OXCT1: variants seen among roughly 807,000 people sequenced by gnomAD.
The protein encoded by OXCT1 is 3-oxoacid CoA-transferase 1, also known as succinyl-CoA:3-ketoacid coenzyme A transferase 1, mitochondrial.
A neutral mutation model predicts 69.6 loss-of-function variants in OXCT1; 27 were observed. The observed-to-expected ratio is 0.39, with a 90% confidence interval of 0.29 to 0.54. OXCT1 has a LOEUF of 0.54. Among genes scored for constraint, OXCT1 ranks in the 20% least tolerant of loss-of-function variants. OXCT1 has a pLI of 0.72. For synonymous variants in OXCT1, 202 were observed against 217.8 expected (o/e 0.93, Z 0.64); for missense variants, 437 against 650.2 (o/e 0.67, Z 3.57).
At chr5:41,767,942 G>A (rs938371526) in intron 13 of OXCT1, among the ~76,000 whole-genome samples, 3 of 151,500 alleles carry the variant, frequency 2.0e-5, no homozygotes, top group African/African-American at 7.3e-5. Flanking sequence ...CAAATTAACA[G>A]CTCTGTCCTC....
chr5:41,746,169 C>T (rs1346185150), intron 15 of OXCT1, among the ~76,000 whole-genome samples: 2 of 152,100 alleles, frequency 1.3e-5, no homozygotes, highest in Non-Finnish European at 2.9e-5. Context: ...ACTGGCAAAC[C>T]GAATCCAGCA....
At chr5:41,821,355 A>G in intron 7 of OXCT1, among the ~76,000 whole-genome samples, 1 of 152,216 alleles carries the variant, frequency 6.6e-6, no homozygotes, top group East Asian at 1.9e-4. Flanking sequence ...TATAAAATTC[A>G]ACAATGGCTC....
rs1009268135 is a variant in OXCT1, at chr5:41,730,706, C to T, written c.*1023G>A. ...TTTATTCCCTGACACTAAAAGTTCA[C>T]TGACTCTTCAAATCCTAGACTTGTC... is the stretch of plus-strand genomic sequence containing the variant. On this transcript the variant is annotated 3_prime_UTR_variant, in exon 17 of 17. Coordinates refer to ENST00000196371, the MANE Select transcript of OXCT1 (RefSeq NM_000436.4). The T allele has an allele frequency of 1.3e-5, 2 of 152,162 alleles. No individual in the cohort carries two copies. Among genetic ancestry groups the T allele is most frequent in the Non-Finnish European group, 2.9e-5 (2 of 68,026 alleles). The allele number at this position is 152,162 out of a possible 1,614,324, so 9.4% of individuals were successfully genotyped here.
At chr5:41,798,881 C>G (rs1579760495) in intron 11 of OXCT1, among the ~76,000 whole-genome samples, 1 of 152,204 alleles carries the variant, frequency 6.6e-6, no homozygotes, top group South Asian at 2.1e-4. Context: ...AGAAAAAGGC[C>G]AGGGGTCACA....
chr5:41,840,620 G>C, intron 6 of OXCT1, 109 bp from the exon 7 acceptor site: 1 of 677,206 alleles, frequency 1.5e-6, no homozygotes, highest in Non-Finnish European at 2.6e-6. Context: ...AAGAATCTAA[G>C]AATCTTTCCA....
intron 1 of OXCT1, among the ~76,000 whole-genome samples, chr5:41,869,479 T>A (rs919369980): frequency 6.6e-6 from 1 of 151,986 alleles, no homozygotes; most frequent in African/African-American, 2.4e-5. Flanking sequence ...CACAAGTCAG[T>A]CCACGGTGGG....
intron 7 of OXCT1, among the ~76,000 whole-genome samples, chr5:41,814,776 G>A (rs868738657): frequency 1.9e-4 from 29 of 151,116 alleles, no homozygotes; most frequent in South Asian, 1.1e-3. Context: ...CCTAATGCTA[G>A]ATGACGAGTT....
intron 11 of OXCT1, 44 bp downstream of exon 11, chr5:41,800,978 C>A: frequency 1.3e-6 from 2 of 1,539,390 alleles, no homozygotes; most frequent in Non-Finnish European, 1.8e-6. Flanking sequence ...TTATGTAGCA[C>A]AAAATTAATA....
intron 15 of OXCT1, among the ~76,000 whole-genome samples, chr5:41,745,076 C>T (rs1743399286): frequency 6.6e-6 from 1 of 152,116 alleles, no homozygotes; most frequent in South Asian, 2.1e-4. Context: ...GAACTCTCCA[C>T]CCCAAATCAA....
rs555485982 is a variant in OXCT1, at chr5:41,766,433, C to T, written c.1249-4233G>A. 1.1e-4 allele frequency among the ~76,000 whole-genome samples: 16 copies of T among 151,872 alleles called. No homozygotes were observed. The South Asian group carries it at 3.3e-3, about 32-fold the overall frequency. ...CTTTTTTCTAGAAAATAGATTTAAG[C>T]TGAAATCAATAATTTCACCTATTTT... is the stretch of plus-strand genomic sequence containing the variant. On this transcript the variant is annotated intron_variant, in intron 13 of 16. Transcript: ENST00000196371.
chr5:41,843,654 A>G (rs539382948), intron 5 of OXCT1: 13 of 453,786 alleles, frequency 2.9e-5, no homozygotes, highest in Non-Finnish European at 5.8e-5. Flanking sequence ...CACTGCACAA[A>G]ATGGAGCCAT....
At chr5:41,868,253 T>C (rs1015201176) in intron 1 of OXCT1, among the ~76,000 whole-genome samples, 3 of 152,244 alleles carry the variant, frequency 2.0e-5, no homozygotes, top group Admixed American at 6.5e-5. Context: ...CTCTCATCCG[T>C]ACTTTAAACA....
intron 13 of OXCT1, among the ~76,000 whole-genome samples, chr5:41,786,510 A>G (rs773590278): frequency 5.9e-5 from 9 of 152,162 alleles, no homozygotes; most frequent in Non-Finnish European, 1.2e-4. Context: ...GAGGAGATGC[A>G]TTGCTTTTGA....
intron 13 of OXCT1, among the ~76,000 whole-genome samples, chr5:41,778,346 C>T (rs922979677): frequency 2.0e-5 from 3 of 152,090 alleles, no homozygotes; most frequent in Non-Finnish European, 4.4e-5. Flanking sequence ...AAAAACTCTG[C>T]GTTTTACTTA....
At chr5:41,820,801 G>A (rs956080940) in intron 7 of OXCT1, among the ~76,000 whole-genome samples, 1 of 152,054 alleles carries the variant, frequency 6.6e-6, no homozygotes, top group Non-Finnish European at 1.5e-5. Flanking sequence ...AATGCCTTAA[G>A]TCTTCTCCTT....
intron 15 of OXCT1, among the ~76,000 whole-genome samples, chr5:41,746,228 G>C (rs1465109396): frequency 6.6e-6 from 1 of 152,128 alleles, no homozygotes; most frequent in Non-Finnish European, 1.5e-5. Flanking sequence ...TCATCCCTGG[G>C]ATGCAAGCCT....
chr5:41,795,412 A>G (rs1355553194), intron 11 of OXCT1, among the ~76,000 whole-genome samples: 2 of 151,418 alleles, frequency 1.3e-5, no homozygotes, highest in Admixed American at 6.6e-5. Context: ...CGCCATCCCC[A>G]TTCCCTTCAC....
intron 14 of OXCT1, among the ~76,000 whole-genome samples, chr5:41,757,095 T>C (rs1336172476): frequency 1.3e-5 from 2 of 152,010 alleles, no homozygotes; most frequent in East Asian, 3.9e-4. Context: ...TTGAGGGTTT[T>C]TGAGCCAACA....
chr5:41,850,302 A>G, intron 4 of OXCT1, 123 bp from the exon 5 acceptor site: 1 of 1,011,440 alleles, frequency 9.9e-7, no homozygotes, highest in Non-Finnish European at 1.5e-6. Flanking sequence ...CTAGCATTGT[A>G]CATTAGCATA....
Sources: allele counts gnomAD v4.1 joint callset (sites outside exome capture counted in the v4.1 genomes callset), GRCh38; gene constraint gnomAD v4.1.1; transcripts MANE v1.5; gene names NCBI Gene and HGNC (gene_info 2026-07-23, HGNC 2026-07-21).